The following EPB41L2 variants were observed in gnomAD, a reference collection of about 807,000 sequenced individuals.
The protein encoded by EPB41L2 is erythrocyte membrane protein band 4.1 like 2, also known as band 4.1-like protein 2.
Under a neutral mutation model 113.0 loss-of-function variants are expected in EPB41L2, and 43 were observed. The ratio of observed to expected loss-of-function variants is 0.38; its 90% confidence interval spans 0.30 to 0.49. EPB41L2 has a LOEUF of 0.49. Among genes scored for constraint, EPB41L2 ranks in the 20% least tolerant of loss-of-function variants. The pLI is 0.95. For synonymous variants in EPB41L2, 442 were observed against 436.7 expected (o/e 1.01, Z -0.15); for missense variants, 1,147 against 1,223.4 (o/e 0.94, Z 0.93).
At position 131,030,359 on chromosome 6, in the gene EPB41L2, T is replaced by C. The variant is rs114504947; in HGVS notation, c.-15+32796A>G. 5.8e-3 allele frequency among the ~76,000 whole-genome samples: 886 copies of C among 152,310 alleles called. 6 individuals are homozygous for C. Among genetic ancestry groups the C allele is most frequent in the African/African-American group, 0.019 (786 of 41,562 alleles). On this transcript the variant is annotated intron_variant, in intron 1 of 19. Transcript: ENST00000337057. Reference sequence around the variant, plus strand: ...CAATAAACTGGCAAATTTCTACCAATAGGTTTTTAATGAAAGTATTTCTCA... The same window carrying C: ...CAATAAACTGGCAAATTTCTACCAACAGGTTTTTAATGAAAGTATTTCTCA...
intron 1 of EPB41L2, among the ~76,000 whole-genome samples, chr6:131,033,297 G>A (rs1792607628): frequency 6.6e-6 from 1 of 152,146 alleles, no homozygotes; most frequent in Non-Finnish European, 1.5e-5. Flanking sequence ...AGCAAAACAA[G>A]TATAGGCAAG....
chr6:130,940,161 A>C (rs1319651495), intron 3 of EPB41L2, among the ~76,000 whole-genome samples: 1 of 152,210 alleles, frequency 6.6e-6, no homozygotes, highest in Non-Finnish European at 1.5e-5. Flanking sequence ...AAAGAGCTTA[A>C]TTTATTTAAA....
At chr6:130,895,719 C>A (rs1039120864) in intron 8 of EPB41L2, among the ~76,000 whole-genome samples, 10 of 152,198 alleles carry the variant, frequency 6.6e-5, no homozygotes, top group African/African-American at 2.4e-4. Context: ...ATCCAGTTCT[C>A]ATTAGGCATT....
In EPB41L2 at chr6:130,908,811, A is replaced by G. The variant is rs999106323; in HGVS notation, c.853+10T>C. On this transcript the variant is annotated intron_variant, in intron 5 of 19. Transcript: ENST00000337057. ...CCTTAACTTCAAAGAATGATTATTT[A>G]TATACTTACTTCTCAGTTGTCTCTT... 9.4e-6 allele frequency: 15 copies of G among 1,589,618 alleles called. No individual in the cohort carries two copies. Among genetic ancestry groups the G allele is most frequent in the Non-Finnish European group, 1.3e-5 (15 of 1,163,054 alleles).
intron 1 of EPB41L2, among the ~76,000 whole-genome samples, chr6:130,977,314 C>A (rs1778407315): frequency 6.6e-6 from 1 of 151,300 alleles, no homozygotes; most frequent in Non-Finnish European, 1.5e-5. Context: ...CTACCTCTTG[C>A]CTTTAATTAG....
In EPB41L2 at chr6:131,040,068, C is replaced by T. The variant is rs140309205; in HGVS notation, c.-15+23087G>A. Among the ~76,000 whole-genome samples the T allele has an allele frequency of 3.0e-4, 45 of 152,268 alleles. No individual in the cohort carries two copies. In the East Asian group the frequency reaches 7.7e-3, roughly 26 times the overall value. On this transcript the variant is annotated intron_variant, in intron 1 of 19. Coordinates refer to ENST00000337057, the MANE Select transcript of EPB41L2 (RefSeq NM_001431.4). ...TCCATTTTAGGGTATAGAGTGTTAACGTTGCAAGAGTTCTAGAGACTGGTT... is the reference window on the plus strand; with the variant it reads ...TCCATTTTAGGGTATAGAGTGTTAATGTTGCAAGAGTTCTAGAGACTGGTT...
chr6:130,858,588 G>C (rs1781006401), intron 18 of EPB41L2, among the ~76,000 whole-genome samples: 1 of 133,744 alleles, frequency 7.5e-6, no homozygotes. Context: ...ATGCAGAGTT[G>C]TAACGATCAT....
At chr6:131,062,662 T>G (rs1798910360) in intron 1 of EPB41L2, 1 of 151,704 alleles carries the variant, frequency 6.6e-6, no homozygotes, top group African/African-American at 2.4e-5. Flanking sequence ...ACCTTCCTCC[T>G]GAAGGGCGAC....
chr6:131,003,471 G>C (rs899924881), intron 1 of EPB41L2, among the ~76,000 whole-genome samples: 1 of 152,154 alleles, frequency 6.6e-6, no homozygotes, highest in South Asian at 2.1e-4. Flanking sequence ...CTGCCAATCA[G>C]AGTTGTCTTA....
intron 3 of EPB41L2, among the ~76,000 whole-genome samples, chr6:130,927,364 G>A (rs1010666958): frequency 1.3e-5 from 2 of 152,106 alleles, no homozygotes; most frequent in Non-Finnish European, 2.9e-5. Flanking sequence ...AGAAGCTGCT[G>A]TGAACAGAGA....
chr6:130,915,796 C>T lies in EPB41L2; in HGVS notation c.811-6933G>A, dbSNP rs117467712. Among the ~76,000 whole-genome samples the T allele has an allele frequency of 1.9e-3, 285 of 151,810 alleles. 14 individuals carry two copies. The East Asian group carries it at 0.047, about 25-fold the overall frequency. On this transcript the variant is annotated intron_variant, in intron 4 of 19. Transcript: ENST00000337057. ...TCACGAGATCTAATAGTTTTAAAAACGGGAGTTTCTCTGCACAAGCTCTCT... is the reference window on the plus strand; with the variant it reads ...TCACGAGATCTAATAGTTTTAAAAATGGGAGTTTCTCTGCACAAGCTCTCT...
chr6:130,878,305 T>A, intron 13 of EPB41L2, 55 bp from the exon 14 acceptor site: 1 of 1,535,444 alleles, frequency 6.5e-7, no homozygotes, highest in Non-Finnish European at 8.7e-7. Flanking sequence ...AAAAACCCAG[T>A]AGGACAAAAA....
intron 14 of EPB41L2, 79 bp downstream of exon 14, chr6:130,878,025 A>C: frequency 7.2e-7 from 1 of 1,387,860 alleles, no homozygotes; most frequent in Non-Finnish European, 9.5e-7. Flanking sequence ...ACTTCCCTAG[A>C]CTCAACATAG....
intron 14 of EPB41L2, chr6:130,876,579 T>G: frequency 1.4e-6 from 1 of 695,124 alleles, no homozygotes; most frequent in Non-Finnish European, 2.0e-6. Flanking sequence ...AATTTTAGTA[T>G]GACACACAGG....
chr6:130,961,392 T>C (rs372061195), intron 1 of EPB41L2, among the ~76,000 whole-genome samples: 3 of 152,184 alleles, frequency 2.0e-5, no homozygotes, highest in Admixed American at 6.5e-5. Flanking sequence ...CCATCATCAA[T>C]AGAGGATCAG....
chr6:131,002,713 C>G (rs1784620884), intron 1 of EPB41L2, among the ~76,000 whole-genome samples: 1 of 152,138 alleles, frequency 6.6e-6, no homozygotes, highest in Non-Finnish European at 1.5e-5. Flanking sequence ...ACCTCTATTT[C>G]TTTCAGGTTC....
intron 3 of EPB41L2, among the ~76,000 whole-genome samples, chr6:130,946,810 T>A (rs896304264): frequency 3.3e-5 from 5 of 152,102 alleles, no homozygotes; most frequent in East Asian, 3.8e-4. Context: ...ATGAATTATG[T>A]TTTTTGATTT....
chr6:131,004,480 A>T (rs1407985967), intron 1 of EPB41L2, among the ~76,000 whole-genome samples: 2 of 152,202 alleles, frequency 1.3e-5, no homozygotes, highest in Non-Finnish European at 2.9e-5. Context: ...AGGCCTACCA[A>T]AGGAAGGTCA....
At chr6:130,977,349 T>G (rs1362166872) in intron 1 of EPB41L2, among the ~76,000 whole-genome samples, 1 of 114,388 alleles carries the variant, frequency 8.7e-6, no homozygotes, top group Non-Finnish European at 1.7e-5. Context: ...GCCCAGCAGT[T>G]AGATTATTTA....
Sources: gnomAD v4.1 joint callset for allele counts (sites outside exome capture counted in the v4.1 genomes callset) on GRCh38, gnomAD v4.1.1 for gene constraint, MANE v1.5 for transcripts, NCBI Gene and HGNC (gene_info 2026-07-23, HGNC 2026-07-21) for gene names.